DOP1B: variants seen among roughly 807,000 people sequenced by gnomAD.
The protein encoded by DOP1B is protein DOP1B.
Under a neutral mutation model 233.5 loss-of-function variants are expected in DOP1B, and 174 were observed. The observed-to-expected ratio is 0.75, with a 90% CI of 0.66 to 0.85. The LOEUF is 0.85. DOP1B is among the 40% of genes least tolerant of loss of function. DOP1B has a pLI of 0.00. For missense variants in DOP1B, 2,652 were observed against 2,846.6 expected (o/e 0.93, Z 1.56); for synonymous variants, 1,190 against 1,185.6 (o/e 1.00, Z -0.08).
intron 28 of DOP1B, among the ~76,000 whole-genome samples, chr21:36,277,605 C>T (rs1352559869): frequency 6.6e-6 from 1 of 150,420 alleles, no homozygotes; most frequent in African/African-American, 2.5e-5. Flanking sequence ...TATTGTTGCT[C>T]GCTTCCAAGG....
chr21:36,281,387 A>G, intron 31 of DOP1B, 96 bp from the exon 32 acceptor site: 1 of 1,311,552 alleles, frequency 7.6e-7, no homozygotes, highest in South Asian at 1.7e-5. Context: ...ATGATTTTTC[A>G]CCAGGGAATA....
intron 27 of DOP1B, among the ~76,000 whole-genome samples, chr21:36,274,993 C>T (rs1019688939): frequency 3.3e-5 from 5 of 151,950 alleles, no homozygotes; most frequent in East Asian, 1.9e-4. Flanking sequence ...TACAGGTGCA[C>T]GCCACCACAC....
intron 18 of DOP1B, among the ~76,000 whole-genome samples, chr21:36,243,270 A>G (rs2066912985): frequency 1.3e-5 from 2 of 151,902 alleles, no homozygotes; most frequent in Non-Finnish European, 2.9e-5. Context: ...ATGAGCTACC[A>G]TGCCCGGCTC....
chr21:36,263,928 C>A, intron 26 of DOP1B, 114 bp downstream of exon 26: 1 of 1,080,606 alleles, frequency 9.3e-7, no homozygotes, highest in Non-Finnish European at 1.4e-6. Flanking sequence ...CTGAGGTTAG[C>A]TTTGCACTTG....
At position 36,289,094 on chromosome 21, in the gene DOP1B, G is replaced by T. The variant is rs1222930190; in HGVS notation, c.6403G>T (p.Gly2135Ter). The change falls in exon 35 of 37, where the codon GGA (glycine) becomes TGA (stop). Residue 2135 changes from glycine to a stop codon, truncating the protein, a stop_gained. Coordinates refer to ENST00000691173, the MANE Select transcript of DOP1B (RefSeq NM_001320714.2). LOFTEE classifies it high-confidence loss of function. ...RTKVSVPDANGPSVGEIPQSE... is the reference protein window; with the variant it reads ...RTKVSVPDAN ...GAAAGTTTCAGTCCCGGATGCAAATGGACCCTCAGTGGGGGAGATACCCCA... is the reference window on the plus strand; with the variant it reads ...GAAAGTTTCAGTCCCGGATGCAAATTGACCCTCAGTGGGGGAGATACCCCA... 1 of 1,613,802 alleles carries T rather than the reference G, an allele frequency of 6.2e-7. No individual in the cohort carries two copies.
At chr21:36,263,202 C>T (rs1601462535) in intron 24 of DOP1B, among the ~76,000 whole-genome samples, 1 of 143,462 alleles carries the variant, frequency 7.0e-6, no homozygotes, top group East Asian at 2.1e-4. Context: ...CCATTGCACT[C>T]CAGCCTGGGC....
chr21:36,195,043 G>GA (rs543521867), intron 2 of DOP1B, among the ~76,000 whole-genome samples: 42 of 151,530 alleles, frequency 2.8e-4, no homozygotes, highest in African/African-American at 8.5e-4. Context: ...CCATCTCTAC[G>GA]AAAAAATACC....
chr21:36,166,260 C>T (rs1294717045), intron 2 of DOP1B, among the ~76,000 whole-genome samples: 1 of 151,604 alleles, frequency 6.6e-6, no homozygotes, highest in African/African-American at 2.4e-5. Context: ...CGCGGTGAAA[C>T]CCTGTCTCTA....
chr21:36,246,598 C>G lies in DOP1B; in HGVS notation c.4618C>G (p.Pro1540Ala). 1 of 1,614,114 alleles carries G rather than the reference C, an allele frequency of 6.2e-7. No homozygotes were observed. The highest frequency in any genetic ancestry group is 8.5e-7 in the Non-Finnish European group (1 of 1,180,050). ...AAAGTCCCTGGGCTGGACGGTGACA[C>G]CCTTTGTTGTCCAGATTTGCAAAAA... Reference protein sequence around the residue: ...FGKSLGWTVTPFVVQICKNLD... With the variant: ...FGKSLGWTVTAFVVQICKNLD... The change falls in exon 19 of 37, where the codon CCC becomes GCC. Residue 1540 changes from proline (P) to alanine (A), a missense_variant. Pro to Ala is a conservative substitution (Grantham distance 27). Coordinates refer to ENST00000691173, the MANE Select transcript of DOP1B (RefSeq NM_001320714.2). The surrounding 1 kb of genome is among the most constrained non-coding windows in gnomAD (Gnocchi z 5.1).
rs1409519781 is a variant in DOP1B at position 36,245,170 on chromosome 21, C to A, written c.3190C>A (p.Arg1064Ser). 8.7e-6 allele frequency: 14 copies of A among 1,613,986 alleles called. No individual in the cohort carries two copies. Among genetic ancestry groups the A allele is most frequent in the Admixed American group, 1.7e-5 (1 of 60,006 alleles). ...TCTGAGCCAGTTCACCACAGTGGAC[C>A]GTGAAGCCATTTGGGCCGAAGTGGA... ...LPLSQFTTVD[R>S]EAIWAEVEKE... is the part of the protein sequence containing the mutation. Residue 1064 changes from arginine (R) to serine (S), a missense_variant, in exon 19 of 37, where the codon CGT (arginine) becomes AGT (serine). Physicochemically the swap from Arg to Ser is moderately radical, Grantham distance 110. Around this residue, in one of 3 missense-constraint regions of DOP1B, gnomAD observed 2,617 missense variants for 2,794.3 expected, o/e 0.94. Coordinates refer to ENST00000691173, the MANE Select transcript of DOP1B (RefSeq NM_001320714.2). This position sits in a 1 kb window ranked among gnomAD's most constrained non-coding sequence, Gnocchi z 5.5.
intron 2 of DOP1B, among the ~76,000 whole-genome samples, chr21:36,188,099 T>C (rs1424589388): frequency 2.6e-5 from 4 of 152,200 alleles, no homozygotes; most frequent in Non-Finnish European, 4.4e-5. Flanking sequence ...AGCAGCTTTA[T>C]TGGAAGCTGG....
At chr21:36,194,293 G>T (rs1009296161) in intron 2 of DOP1B, among the ~76,000 whole-genome samples, 1 of 152,180 alleles carries the variant, frequency 6.6e-6, no homozygotes, top group Non-Finnish European at 1.5e-5. Flanking sequence ...CTTTGTTCAT[G>T]ATCTCTAGAT....
Position 36,246,328 on chromosome 21 carries a change from G to A in DOP1B, c.4348G>A (p.Val1450Ile), listed in dbSNP as rs144597744. Reference protein sequence around the residue: ...ELLKLLQVLIVLEHHLGRAHE... With the variant: ...ELLKLLQVLIILEHHLGRAHE... ...GCTGAAGCTGCTGCAGGTGCTGATT[G>A]TCTTGGAACACCACCTGGGTCGGGC... Residue 1450 changes from valine to isoleucine, a missense_variant, in exon 19 of 37, where the codon GTC (valine) becomes ATC (isoleucine). Val to Ile is a conservative substitution (Grantham distance 29). Coordinates refer to ENST00000691173, the MANE Select transcript of DOP1B (RefSeq NM_001320714.2). The surrounding 1 kb of genome is among the most constrained non-coding windows in gnomAD (Gnocchi z 5.1). The A allele has an allele frequency of 1.9e-6, 3 of 1,613,920 alleles. No individual in the cohort carries two copies. Among genetic ancestry groups the A allele is most frequent in the East Asian group, 4.5e-5 (2 of 44,876 alleles).
Position 36,177,263 on chromosome 21 carries a change from C to T in DOP1B, c.138+12392C>T, listed in dbSNP as rs60850068. ...CTGAGGGTGTTCAAGAGCACTGCTA[C>T]CCCAGGCTTCACAGCAGCCTCAGTG... On this transcript the variant is annotated intron_variant, in intron 2 of 36. Coordinates refer to ENST00000691173, the MANE Select transcript of DOP1B (RefSeq NM_001320714.2). Among the ~76,000 whole-genome samples the T allele has an allele frequency of 4.0e-3, 609 of 152,274 alleles. 3 individuals are homozygous for T. The highest frequency in any genetic ancestry group is 0.014 in the African/African-American group (574 of 41,542).
In DOP1B at chr21:36,230,431, A is replaced by G; in HGVS notation, c.1666-19A>G. 1 of 1,590,064 alleles carries G rather than the reference A, an allele frequency of 6.3e-7. No individual in the cohort carries two copies. On this transcript the variant is annotated intron_variant, in intron 13 of 36. Transcript: ENST00000691173. Reference sequence around the variant, plus strand: ...TGGTGTTAAGAGATGCACAATTCACATCTTTTTATTTTTTACAGAGTCCAG... The same window carrying G: ...TGGTGTTAAGAGATGCACAATTCACGTCTTTTTATTTTTTACAGAGTCCAG...
chr21:36,197,743 C>T (rs2066307933), intron 2 of DOP1B, among the ~76,000 whole-genome samples: 1 of 152,204 alleles, frequency 6.6e-6, no homozygotes, highest in Non-Finnish European at 1.5e-5. Context: ...GATGCAGTGG[C>T]TCACGGCTGT....
chr21:36,274,226 G>A (rs1317361850), intron 27 of DOP1B, among the ~76,000 whole-genome samples: 1 of 152,200 alleles, frequency 6.6e-6, no homozygotes, highest in East Asian at 1.9e-4. Flanking sequence ...GATGAGCACA[G>A]AAACTGGAAG....
At chr21:36,169,292 T>G in intron 2 of DOP1B, 1 of 800,976 alleles carries the variant, frequency 1.2e-6, no homozygotes, top group African/African-American at 1.7e-5. Flanking sequence ...CTTGATCGGT[T>G]TGCTGTCCTC....
intron 2 of DOP1B, among the ~76,000 whole-genome samples, chr21:36,195,441 G>A (rs922597255): frequency 2.7e-5 from 4 of 148,070 alleles, no homozygotes; most frequent in Non-Finnish European, 6.1e-5. Context: ...GACTGAGGTG[G>A]GAGGATTGCT....
Sources: gnomAD v4.1 joint callset for allele counts (sites outside exome capture counted in the v4.1 genomes callset) on GRCh38, gnomAD v4.1.1 for gene constraint, gnomAD v4.1.1 regional missense constraint, Gnocchi (gnomAD v3.1) non-coding constraint, MANE v1.5 for transcripts, NCBI Gene and HGNC (gene_info 2026-07-23, HGNC 2026-07-21) for gene names.